Variants in BMPR1B observed in about 807,000 individuals in gnomAD.
BMPR1B encodes the protein bone morphogenetic protein receptor type-1B.
A neutral mutation model predicts 59.1 loss-of-function variants in BMPR1B; 12 were observed. The observed-to-expected ratio is 0.20, with a 90% CI of 0.13 to 0.33. The LOEUF (loss-of-function observed/expected upper bound fraction) is 0.33, where lower values mean the gene tolerates loss of function less well. Ranked by LOEUF, BMPR1B falls within the 10% of genes least tolerant of loss-of-function variation. BMPR1B has a pLI of 1.00. For missense variants in BMPR1B, 550 were observed against 610.9 expected, an observed-to-expected ratio of 0.90 and a Z score of 1.05; for synonymous variants, 237 against 207.3, an observed-to-expected ratio of 1.14 and a Z score of -1.23.
chr4:95,131,327 C>T lies in BMPR1B; in HGVS notation c.891C>T (p.Asp297=), dbSNP rs112111860. The T allele has an allele frequency of 3.3e-4, 527 of 1,613,934 alleles. 4 individuals carry two copies. The South Asian group carries it at 4.0e-3, about 12-fold the overall frequency. ...LYDYLKSTTL[D]AKSMLKLAYS... is the part of the protein sequence containing the mutation. Reference sequence around the variant, plus strand: ...ATTATCTGAAGTCCACCACCCTAGACGCTAAATCAATGCTGAAGTTAGCCT... The same window carrying T: ...ATTATCTGAAGTCCACCACCCTAGATGCTAAATCAATGCTGAAGTTAGCCT... The change falls in exon 10 of 13, where the codon GAC becomes GAT. Residue 297 remains aspartate, a synonymous_variant. Transcript: ENST00000515059.
intron 6 of BMPR1B, among the ~76,000 whole-genome samples, chr4:95,122,179 A>G (rs1346232535): frequency 1.3e-5 from 2 of 152,118 alleles, no homozygotes; most frequent in Non-Finnish European, 2.9e-5. Context: ...TCTGCTAAGC[A>G]TACAAAAATA....
chr4:95,025,128 C>T (rs183706002), intron 3 of BMPR1B, among the ~76,000 whole-genome samples: 5 of 151,938 alleles, frequency 3.3e-5, no homozygotes, highest in African/African-American at 4.8e-5. Flanking sequence ...AGTATAGGGA[C>T]CGTGGAAGGA....
chr4:95,106,499 G>A (rs1378913664), intron 4 of BMPR1B, among the ~76,000 whole-genome samples: 1 of 152,028 alleles, frequency 6.6e-6, no homozygotes, highest in South Asian at 2.1e-4. Flanking sequence ...AGAAGATAGA[G>A]CTGTATGATG....
At chr4:95,016,473 TA>T (rs1723596989) in intron 3 of BMPR1B, among the ~76,000 whole-genome samples, 1 of 152,330 alleles carries the variant, frequency 6.6e-6, no homozygotes, top group South Asian at 2.1e-4. Flanking sequence ...ATGTTGCAAC[TA>T]AACTTTTGAG....
chr4:94,899,241 T>G (rs1036583693), intron 2 of BMPR1B, among the ~76,000 whole-genome samples: 4 of 151,952 alleles, frequency 2.6e-5, no homozygotes, highest in Non-Finnish European at 5.9e-5. Context: ...TCTAGGATAG[T>G]CTTCCCACCA....
chr4:94,900,175 G>T (rs1418944906), intron 2 of BMPR1B, among the ~76,000 whole-genome samples: 1 of 151,344 alleles, frequency 6.6e-6, no homozygotes, highest in African/African-American at 2.4e-5. Context: ...TCCATGCTGA[G>T]TGCATGCACA....
chr4:95,068,996 T>TA (rs1450644110), intron 3 of BMPR1B, among the ~76,000 whole-genome samples: 1 of 152,224 alleles, frequency 6.6e-6, no homozygotes, highest in Non-Finnish European at 1.5e-5. Context: ...CACTTCACTA[T>TA]AGTGACATGT....
chr4:94,979,217 C>T (rs1457974435), intron 2 of BMPR1B, among the ~76,000 whole-genome samples: 1 of 152,020 alleles, frequency 6.6e-6, no homozygotes, highest in African/African-American at 2.4e-5. Flanking sequence ...AACCATATCA[C>T]CATCTTTGCA....
rs570404654 is a variant in BMPR1B, at chr4:94,825,418, T to C, written c.-182-50413T>C. Reference sequence around the variant, plus strand: ...TACTCAGGAGGCAGAGGTGAGAGGATCCCTTGAGCCCAGGAATTCAAGGCT... The same window carrying C: ...TACTCAGGAGGCAGAGGTGAGAGGACCCCTTGAGCCCAGGAATTCAAGGCT... On this transcript the variant is annotated intron_variant, in intron 1 of 12. Coordinates refer to ENST00000515059, the MANE Select transcript of BMPR1B (RefSeq NM_001203.3). Among the ~76,000 whole-genome samples the C allele has an allele frequency of 2.4e-3, 366 of 152,164 alleles. 2 individuals are homozygous for C. The highest frequency in any genetic ancestry group is 3.8e-3 in the Non-Finnish European group (259 of 67,990).
chr4:94,789,073 A>G (rs563212996), intron 1 of BMPR1B, among the ~76,000 whole-genome samples: 3 of 152,328 alleles, frequency 2.0e-5, no homozygotes, highest in South Asian at 2.1e-4. Context: ...GCTGTGTCTT[A>G]GAAGCTTTGC....
intron 6 of BMPR1B, among the ~76,000 whole-genome samples, chr4:95,116,421 G>GCACACACACACACA (rs35436544): frequency 0.014 from 1,775 of 123,206 alleles, 28 homozygotes; most frequent in Non-Finnish European, 0.018. Flanking sequence ...TTCAGCGCGC[G>GCACACACACACACA]CACACACACA....
At chr4:94,866,642 T>G (rs1185771308) in intron 1 of BMPR1B, among the ~76,000 whole-genome samples, 1 of 152,166 alleles carries the variant, frequency 6.6e-6, no homozygotes, top group Admixed American at 6.5e-5. Flanking sequence ...TGGAGTGCAG[T>G]GGCATGATCT....
intron 2 of BMPR1B, among the ~76,000 whole-genome samples, chr4:94,971,403 G>A (rs1057425715): frequency 6.6e-6 from 1 of 151,942 alleles, no homozygotes; most frequent in African/African-American, 2.4e-5. Flanking sequence ...AAAATAGTTC[G>A]GTCTCATCAT....
At chr4:95,151,400 C>T (rs570218835) in intron 11 of BMPR1B, among the ~76,000 whole-genome samples, 28 of 152,034 alleles carry the variant, frequency 1.8e-4, no homozygotes, top group Non-Finnish European at 3.5e-4. Flanking sequence ...GTTTCCAGGG[C>T]CATGGTCCTG....
intron 3 of BMPR1B, among the ~76,000 whole-genome samples, chr4:95,071,650 G>GTATATATATATACATATA (rs1459082558): frequency 1.3e-5 from 1 of 78,452 alleles, no homozygotes; most frequent in Non-Finnish European, 2.8e-5. Context: ...GTGTGTGTGT[G>GTATATATATATACATATA]TGTATATATA....
Position 95,147,603 on chromosome 4 carries a change from A to G in BMPR1B, c.1077-1145A>G, listed in dbSNP as rs537679773. ...AAAATTGTTGGGAATCAGGAGGTAG[A>G]AAGGTTTATTCAAGATTTTCCACAG... On this transcript the variant is annotated intron_variant, in intron 10 of 12. Coordinates refer to ENST00000515059, the MANE Select transcript of BMPR1B (RefSeq NM_001203.3). Among the ~76,000 whole-genome samples the G allele has an allele frequency of 3.1e-4, 47 of 152,308 alleles. No homozygotes were observed. In the South Asian group the frequency reaches 8.9e-3, roughly 29 times the overall value.
rs1735562733 is a variant in BMPR1B at position 95,158,391 on chromosome 4, T to C, written c.*3718T>C. The C allele has an allele frequency of 6.6e-6, 1 of 152,236 alleles. No homozygotes were observed. Among genetic ancestry groups the C allele is most frequent in the Admixed American group, 6.5e-5 (1 of 15,286 alleles). The allele number at this position is 152,236 out of a possible 1,614,324, so 9.4% of individuals were successfully genotyped here. A position where few individuals can be genotyped will look rare whatever the true frequency, so the allele number is the denominator to read the frequency against. ...TATTGTATTTGTTACAGATTGTATATGGCTTTGTTTTAACATTCCCCTAAA... is the reference window on the plus strand; with the variant it reads ...TATTGTATTTGTTACAGATTGTATACGGCTTTGTTTTAACATTCCCCTAAA... On this transcript the variant is annotated 3_prime_UTR_variant, in exon 13 of 13. Transcript: ENST00000515059.
At chr4:94,966,571 T>A (rs1052614062) in intron 2 of BMPR1B, among the ~76,000 whole-genome samples, 2 of 152,176 alleles carry the variant, frequency 1.3e-5, no homozygotes, top group African/African-American at 4.8e-5. Context: ...GTCACAATAC[T>A]TTTTTCAATG....
chr4:94,857,947 TA>T (rs1725826721), intron 1 of BMPR1B, among the ~76,000 whole-genome samples: 1 of 152,168 alleles, frequency 6.6e-6, no homozygotes, highest in Admixed American at 6.5e-5. Flanking sequence ...TTTTTATTTT[TA>T]TTTTTTTATT....
Sources: gnomAD v4.1 joint callset for allele counts (sites outside exome capture counted in the v4.1 genomes callset) on GRCh38, gnomAD v4.1.1 for gene constraint, MANE v1.5 for transcripts, NCBI Gene and HGNC (gene_info 2026-07-23, HGNC 2026-07-21) for gene names.